Variants in ABCC4 observed in about 807,000 individuals in gnomAD.
The protein encoded by ABCC4 is ATP binding cassette subfamily C member 4 (PEL blood group).
ABCC4 carries 102 observed loss-of-function variants against 168.5 expected under a neutral mutation model. The observed-to-expected ratio is 0.61, with a 90% confidence interval of 0.52 to 0.71. The LOEUF is 0.71. Among genes scored for constraint, ABCC4 ranks in the 30% least tolerant of loss-of-function variants. The pLI is 0.00. For missense variants in ABCC4, 1,402 were observed against 1,605.8 expected (o/e 0.87, Z 2.17); for synonymous variants, 617 against 590.7 (o/e 1.04, Z -0.65).
At chr13:95,103,018 G>A (rs1328133506) in intron 20 of ABCC4, among the ~76,000 whole-genome samples, 8 of 151,486 alleles carry the variant, frequency 5.3e-5, no homozygotes. Flanking sequence ...TGTAATCCCA[G>A]CACTTTGGGA....
chr13:95,140,736 T>C (rs1325989370), intron 19 of ABCC4, among the ~76,000 whole-genome samples: 6 of 152,230 alleles, frequency 3.9e-5, no homozygotes, highest in Non-Finnish European at 8.8e-5. Flanking sequence ...TGGCCTAGTA[T>C]CTATCGATTT....
At chr13:95,166,032 G>C in intron 15 of ABCC4, 126 bp downstream of exon 15, 1 of 885,538 alleles carries the variant, frequency 1.1e-6, no homozygotes, top group Non-Finnish European at 1.8e-6. Flanking sequence ...TCATGGAATA[G>C]AGCCCTGAAA....
At chr13:95,062,461 A>G (rs1248788022) in intron 26 of ABCC4, among the ~76,000 whole-genome samples, 1 of 149,170 alleles carries the variant, frequency 6.7e-6, no homozygotes, top group Non-Finnish European at 1.5e-5. Context: ...TAGTACAGAA[A>G]TCTATCTGCG....
chr13:95,196,069 C>T (rs1338852396), intron 8 of ABCC4, among the ~76,000 whole-genome samples: 1 of 152,118 alleles, frequency 6.6e-6, no homozygotes, highest in Admixed American at 6.5e-5. Context: ...GTCCTGTTAA[C>T]CATAACAAAC....
chr13:95,098,046 G>T (rs2034667913), intron 20 of ABCC4, among the ~76,000 whole-genome samples: 2 of 149,890 alleles, frequency 1.3e-5, no homozygotes, highest in Admixed American at 6.7e-5. Flanking sequence ...TGAGGCACAA[G>T]AATCGCTTGA....
At chr13:95,022,005 G>C (rs2031114016) in intron 30 of ABCC4, among the ~76,000 whole-genome samples, 1 of 152,164 alleles carries the variant, frequency 6.6e-6, no homozygotes, top group African/African-American at 2.4e-5. Flanking sequence ...ATTAAAAACA[G>C]GGTGACAAAG....
intron 3 of ABCC4, among the ~76,000 whole-genome samples, chr13:95,241,025 T>A (rs900528537): frequency 2.0e-5 from 3 of 151,532 alleles, no homozygotes; most frequent in African/African-American, 7.2e-5. Flanking sequence ...GCCTTGGCCC[T>A]CATGTCAGGC....
chr13:95,070,394 T>G (rs185379270), intron 25 of ABCC4, among the ~76,000 whole-genome samples: 1 of 152,084 alleles, frequency 6.6e-6, no homozygotes. Flanking sequence ...TGTGTCCATA[T>G]TGGGAGTTGT....
intron 11 of ABCC4, among the ~76,000 whole-genome samples, chr13:95,182,743 C>T (rs1000233816): frequency 6.6e-6 from 1 of 152,158 alleles, no homozygotes; most frequent in Non-Finnish European, 1.5e-5. Context: ...GCTAAAATCA[C>T]ACACCTACTG....
intron 19 of ABCC4, among the ~76,000 whole-genome samples, chr13:95,131,815 G>A (rs1409752154): frequency 6.6e-6 from 1 of 152,100 alleles, no homozygotes; most frequent in Non-Finnish European, 1.5e-5. Flanking sequence ...TGGCAGGGAT[G>A]TGAAGGAATT....
At chr13:95,233,233 T>C (rs1256230079) in intron 4 of ABCC4, among the ~76,000 whole-genome samples, 1 of 152,028 alleles carries the variant, frequency 6.6e-6, no homozygotes. Context: ...GTACATTGTA[T>C]ATTGTACATT....
In ABCC4 at chr13:95,194,853, T is replaced by C. The variant is rs540890140; in HGVS notation, c.1246A>G (p.Thr416Ala). Residue 416 changes from threonine (T) to alanine (A), a missense_variant, in exon 9 of 31, where the codon ACT (threonine) becomes GCT (alanine). Physicochemically the swap from Thr to Ala is moderately conservative, Grantham distance 58. Coordinates refer to ENST00000645237, the MANE Select transcript of ABCC4 (RefSeq NM_005845.5). The part of the protein sequence containing the change: ...GKKMVHVQDF[T>A]AFWDKASETP... Reference sequence around the variant, plus strand: ...TATGTTACCTTATCCCAAAAAGCAGTAAAATCCTGCACATGCACCATCTTT... The same window carrying C: ...TATGTTACCTTATCCCAAAAAGCAGCAAAATCCTGCACATGCACCATCTTT... 8.7e-6 allele frequency: 14 copies of C among 1,614,080 alleles called. No homozygotes were observed. The South Asian group carries it at 1.4e-4, about 16-fold the overall frequency.
In ABCC4 at chr13:95,244,630, AAAG is replaced by A. The variant is rs1328754260; in HGVS notation, c.306+2342_306+2344del. On this transcript the variant is annotated intron_variant, in intron 3 of 30. Transcript: ENST00000645237. ...GAAAGAAAGAAAGAAAGAAAGAAAG[AAAG>A]AAAGAAAGAAAGAAAGAAAGAAAGA... Among the ~76,000 whole-genome samples, 2 of 66,944 alleles carry A rather than the reference AAAG, an allele frequency of 3.0e-5. 1 individual carries two copies. The highest frequency in any genetic ancestry group is 6.3e-5 in the Non-Finnish European group (2 of 31,780). The allele number at this position is 66,944 out of a possible 152,430, so 43.9% of individuals were successfully genotyped here.
intron 4 of ABCC4, among the ~76,000 whole-genome samples, chr13:95,218,713 T>C (rs937421381): frequency 4.0e-5 from 6 of 151,498 alleles, no homozygotes; most frequent in African/African-American, 1.5e-4. Context: ...TAACCAGGCA[T>C]GGTGGCACAT....
intron 1 of ABCC4, among the ~76,000 whole-genome samples, chr13:95,276,414 CA>C (rs60996116): frequency 0.56 from 48,640 of 86,596 alleles, 11,779 homozygotes; most frequent in South Asian, 0.63. Flanking sequence ...GACCCATCTC[CA>C]AAAAAAAAAA....
intron 4 of ABCC4, among the ~76,000 whole-genome samples, chr13:95,217,901 T>G (rs2138700668): frequency 6.6e-6 from 1 of 152,266 alleles, no homozygotes; most frequent in Non-Finnish European, 1.5e-5. Context: ...TTCGGGTACT[T>G]CCTGATCCAT....
chr13:95,043,365 T>C (rs114388162), intron 29 of ABCC4: 98 of 246,478 alleles, frequency 4.0e-4, no homozygotes, highest in African/African-American at 2.0e-3. Flanking sequence ...ACAGTGACAA[T>C]GACTGTGATC....
chr13:95,030,177 T>C lies in ABCC4; in HGVS notation c.3870+4428A>G, dbSNP rs546703942. 9.2e-5 allele frequency among the ~76,000 whole-genome samples: 14 copies of C among 152,246 alleles called. No homozygotes were observed. The South Asian group carries it at 2.9e-3, about 32-fold the overall frequency. ...CTGAGATTACAAGCATGCGCCACCA[T>C]GCCTGGCTAATTTTTTTATTTTTAG... On this transcript the variant is annotated intron_variant, in intron 30 of 30. Transcript: ENST00000645237.
intron 20 of ABCC4, among the ~76,000 whole-genome samples, chr13:95,085,595 TCA>T (rs1351519436): frequency 1.3e-5 from 2 of 152,202 alleles, no homozygotes; most frequent in African/African-American, 4.8e-5. Context: ...CGGGTCGCAA[TCA>T]CAGTTTGCTT....
Sources: allele counts gnomAD v4.1 joint callset (sites outside exome capture counted in the v4.1 genomes callset), GRCh38; gene constraint gnomAD v4.1.1; transcripts MANE v1.5; gene names NCBI Gene and HGNC (gene_info 2026-07-23, HGNC 2026-07-21).